EPB41L3: variants seen among roughly 807,000 people sequenced by gnomAD.
EPB41L3 encodes the protein erythrocyte membrane protein band 4.1 like 3, also known as band 4.1-like protein 3.
Under a neutral mutation model 127.1 loss-of-function variants are expected in EPB41L3, and 57 were observed. That is an observed-to-expected ratio of 0.45 (90% confidence interval 0.36 to 0.56). The LOEUF (loss-of-function observed/expected upper bound fraction) is 0.56. Among genes scored for constraint, EPB41L3 ranks in the 20% least tolerant of loss-of-function variants. The pLI is 0.00. For missense variants in EPB41L3, 1,273 were observed against 1,372.2 expected (o/e 0.93, Z 1.14); for synonymous variants, 572 against 549.5 (o/e 1.04, Z -0.57).
chr18:5,506,889 G>A (rs1052831821), intron 1 of EPB41L3, among the ~76,000 whole-genome samples: 2 of 152,082 alleles, frequency 1.3e-5, no homozygotes, highest in Non-Finnish European at 1.5e-5. Context: ...TTGTATTATA[G>A]GTAATTTCTG....
intron 3 of EPB41L3, among the ~76,000 whole-genome samples, chr18:5,561,797 C>A (rs1261598433): frequency 6.6e-6 from 1 of 152,146 alleles, no homozygotes; most frequent in Non-Finnish European, 1.5e-5. Context: ...ACCAAGTGAT[C>A]AACACTAACA....
At chr18:5,484,086 C>CAAAAAAAAAAAAAAACAAAAAAAAAAAA (rs2089168452) in intron 2 of EPB41L3, among the ~76,000 whole-genome samples, 2 of 18,264 alleles carry the variant, frequency 1.1e-4, no homozygotes, top group Non-Finnish European at 2.6e-4. Context: ...CAAACAAACT[C>CAAAAAAAAAAAAAAACAAAAAAAAAAAA]AAAAAAAAAA....
At chr18:5,401,038 T>G in intron 16 of EPB41L3, 2 of 1,533,624 alleles carry the variant, frequency 1.3e-6, no homozygotes, top group African/African-American at 1.4e-5. Context: ...CTGTTTCTTC[T>G]TTGGTCTGTT....
At chr18:5,629,796 C>T (rs530962035), upstream of EPB41L3, among the ~76,000 whole-genome samples, 4 of 152,164 alleles carry the variant, frequency 2.6e-5, no homozygotes, top group African/African-American at 9.7e-5. Flanking sequence ...GCTGCCGGGA[C>T]CGGGGAGCCA....
At chr18:5,510,818 C>T (rs1295151810) in intron 1 of EPB41L3, among the ~76,000 whole-genome samples, 1 of 151,410 alleles carries the variant, frequency 6.6e-6, no homozygotes, top group Non-Finnish European at 1.5e-5. Context: ...TAAAGTATAC[C>T]CCATCACCCT....
chr18:5,463,585 G>A (rs927912335), intron 3 of EPB41L3: 9 of 152,204 alleles, frequency 5.9e-5, no homozygotes, highest in African/African-American at 2.2e-4. Flanking sequence ...GAGCCTCATG[G>A]GAAGGATTCG....
chr18:5,510,026 T>C (rs2092433754), intron 1 of EPB41L3, among the ~76,000 whole-genome samples: 1 of 152,210 alleles, frequency 6.6e-6, no homozygotes, highest in Non-Finnish European at 1.5e-5. Context: ...AAAGCTGGTA[T>C]TGCAGAATTA....
rs1457106511 is a variant in EPB41L3 at position 5,543,019 on chromosome 18, C to CAG, written c.-12+892_-12+893dup. Among the ~76,000 whole-genome samples the CAG allele has an allele frequency of 6.6e-6, 1 of 152,158 alleles. No homozygotes were observed. The highest frequency in any genetic ancestry group is 2.4e-5 in the African/African-American group (1 of 41,460). ...CCCCACCGCGGCAGAGCCGCCTTCG[C>CAG]AGACACCTCCCGAGGAGAATCGCGG... is the stretch of plus-strand genomic sequence containing the variant. On this transcript the variant is annotated intron_variant, in intron 1 of 22. Coordinates refer to ENST00000341928, the MANE Select transcript of EPB41L3 (RefSeq NM_012307.5). This position sits in a 1 kb window ranked among gnomAD's most constrained non-coding sequence, Gnocchi z 5.2.
chr18:5,498,460 C>T (rs1049164182), intron 1 of EPB41L3, among the ~76,000 whole-genome samples: 1 of 151,778 alleles, frequency 6.6e-6, no homozygotes, highest in African/African-American at 2.4e-5. Flanking sequence ...TGGGTGTGGT[C>T]ACGGGCACCT....
At chr18:5,600,966 C>G (rs1007805765) in intron 3 of EPB41L3, among the ~76,000 whole-genome samples, 1 of 152,142 alleles carries the variant, frequency 6.6e-6, no homozygotes, top group African/African-American at 2.4e-5. Context: ...GCACATAGTA[C>G]TCAGCTAATT....
intron 3 of EPB41L3, among the ~76,000 whole-genome samples, chr18:5,580,876 C>T (rs182932882): frequency 5.1e-4 from 77 of 152,316 alleles, no homozygotes; most frequent in African/African-American, 7.9e-4. Context: ...GGCCTCATAA[C>T]GTCCATTCTG....
At chr18:5,449,831 C>G (rs2082044271) in intron 3 of EPB41L3, among the ~76,000 whole-genome samples, 1 of 152,192 alleles carries the variant, frequency 6.6e-6, no homozygotes, top group African/African-American at 2.4e-5. Flanking sequence ...GTGAATGCTA[C>G]ATATTCTGTT....
intron 3 of EPB41L3, among the ~76,000 whole-genome samples, chr18:5,576,364 G>A (rs1245305546): frequency 6.6e-6 from 1 of 152,182 alleles, no homozygotes; most frequent in Non-Finnish European, 1.5e-5. Context: ...GAAAGGGGTT[G>A]GGTTCCTGTC....
At chr18:5,628,415 T>C (rs1997119) in intron 1 of EPB41L3, among the ~76,000 whole-genome samples, 60,934 of 152,076 alleles carry the variant, frequency 0.4, 12,930 homozygotes, top group East Asian at 0.65. Flanking sequence ...TAACACCAGG[T>C]GCCTGTGAGA....
chr18:5,564,658 C>A (rs2094175533), intron 3 of EPB41L3, among the ~76,000 whole-genome samples: 1 of 152,112 alleles, frequency 6.6e-6, no homozygotes, highest in African/African-American at 2.4e-5. Flanking sequence ...CAATAAACAC[C>A]TACAAAATGG....
At chr18:5,433,044 T>C (rs987938197) in intron 8 of EPB41L3, among the ~76,000 whole-genome samples, 1 of 152,140 alleles carries the variant, frequency 6.6e-6, no homozygotes, top group Non-Finnish European at 1.5e-5. Context: ...AAGAGGAGGA[T>C]AGTCCAGAGA....
chr18:5,425,520 C>T (rs1041554537), intron 9 of EPB41L3, among the ~76,000 whole-genome samples: 8 of 152,176 alleles, frequency 5.3e-5, no homozygotes, highest in Admixed American at 3.9e-4. Context: ...AGTCAGCTTG[C>T]ACTCTGCTGC....
intron 1 of EPB41L3, among the ~76,000 whole-genome samples, chr18:5,623,355 T>A (rs2094886471): frequency 6.6e-6 from 1 of 152,238 alleles, no homozygotes; most frequent in Non-Finnish European, 1.5e-5. Flanking sequence ...GAGGTTTCAG[T>A]ACCTAATTCT....
chr18:5,576,989 T>C (rs896212069), intron 3 of EPB41L3, among the ~76,000 whole-genome samples: 1 of 125,856 alleles, frequency 7.9e-6, no homozygotes, highest in African/African-American at 2.6e-5. Flanking sequence ...AAAGACTTTC[T>C]GACGAATTGG....
Sources: gnomAD v4.1 joint callset for allele counts (sites outside exome capture counted in the v4.1 genomes callset) on GRCh38, gnomAD v4.1.1 for gene constraint, Gnocchi (gnomAD v3.1) non-coding constraint, MANE v1.5 for transcripts, NCBI Gene and HGNC (gene_info 2026-07-23, HGNC 2026-07-21) for gene names.